The following CCDC117 variants were observed in gnomAD, a reference collection of about 807,000 sequenced individuals.
CCDC117 encodes coiled-coil domain containing 117.
A neutral mutation model predicts 23.5 loss-of-function variants in CCDC117; 1 was observed. That is an observed-to-expected ratio of 0.04 (90% CI 0.02 to 0.20). CCDC117 has a LOEUF of 0.20. Ranked by LOEUF, CCDC117 falls within the 10% of genes least tolerant of loss-of-function variation. The probability of loss-of-function intolerance (pLI) is 1.00; values close to 1 mark genes in which losing one functional copy is unlikely to be tolerated. For synonymous variants in CCDC117, 132 were observed against 124.8 expected (o/e 1.06, Z -0.39); for missense variants, 383 against 348.2 (o/e 1.10, Z -0.80).
At position 28,781,009 on chromosome 22, in the gene CCDC117, A is replaced by G; in HGVS notation, c.301A>G (p.Ile101Val). 1 of 1,614,064 alleles carries G rather than the reference A, an allele frequency of 6.2e-7. No homozygotes were observed. Among genetic ancestry groups the G allele is most frequent in the Non-Finnish European group, 8.5e-7 (1 of 1,180,002 alleles). The part of the protein sequence containing the change: ...AELCAGPNDW[I>V]LCAHQDVEGH... ...GCTCTGTGCTGGTCCTAATGACTGG[A>G]TTCTTTGTGCACATCAGGATGTAGA... The change falls in exon 3 of 5, where the codon ATT (isoleucine) becomes GTT (valine). Residue 101 changes from isoleucine to valine, a missense_variant. Coordinates refer to ENST00000249064, the MANE Select transcript of CCDC117 (RefSeq NM_173510.4).
intron 2 of CCDC117, among the ~76,000 whole-genome samples, chr22:28,774,100 C>T (rs2146243225): frequency 6.7e-6 from 1 of 150,300 alleles, no homozygotes; most frequent in Admixed American, 6.6e-5. Flanking sequence ...CGGAGTCTGC[C>T]TCTGTCGCCC....
chr22:28,774,851 T>C (rs2146244221), intron 2 of CCDC117, among the ~76,000 whole-genome samples: 1 of 152,332 alleles, frequency 6.6e-6, no homozygotes, highest in South Asian at 2.1e-4. Context: ...TGGCTGTGTT[T>C]TTACATTTGT....
intron 3 of CCDC117, among the ~76,000 whole-genome samples, chr22:28,782,831 T>C (rs1298556924): frequency 6.6e-6 from 1 of 151,984 alleles, no homozygotes; most frequent in Non-Finnish European, 1.5e-5. Flanking sequence ...CTCAGCCTCC[T>C]TAAGTACTGG....
Position 28,780,832 on chromosome 22 carries a change from C to T in CCDC117, c.240-116C>T, listed in dbSNP as rs570197937. 1.4e-4 allele frequency: 101 copies of T among 698,688 alleles called. No individual in the cohort carries two copies. In the African/African-American group the frequency reaches 1.7e-3, roughly 12 times the overall value. The allele number at this position is 698,688 out of a possible 1,614,324, so 43.3% of individuals were successfully genotyped here. The stretch of plus-strand genomic sequence containing the variant: ...CGCAGTATTTTCCATCTTGTTACTA[C>T]ACACTTGTCAAAAAAGCTAGTTTTT... On this transcript the variant is annotated intron_variant, in intron 2 of 4. Transcript: ENST00000249064.
intron 2 of CCDC117, 86 bp downstream of exon 2, chr22:28,773,864 A>G (rs1172690362): frequency 1.1e-5 from 11 of 1,032,348 alleles, no homozygotes; most frequent in Non-Finnish European, 1.5e-5. Context: ...TGAAAAGGTG[A>G]AACATTAGAT....
chr22:28,773,796 T>C lies in CCDC117; in HGVS notation c.239+18T>C. ...GATGATGAGTAAGTTTCAGTGGTTG[T>C]TTATTCACTCTGTGGTCACCGTTAG... On this transcript the variant is annotated intron_variant, in intron 2 of 4. Coordinates refer to ENST00000249064, the MANE Select transcript of CCDC117 (RefSeq NM_173510.4). The C allele has an allele frequency of 6.2e-7, 1 of 1,604,906 alleles. No homozygotes were observed. Among genetic ancestry groups the C allele is most frequent in the Non-Finnish European group, 8.5e-7 (1 of 1,171,672 alleles).
rs754232542 is a variant in CCDC117, at chr22:28,781,017, T to G, written c.309T>G (p.Cys103Trp). ...LCAGPNDWIL[C>W]AHQDVEGHGV... is the part of the protein sequence containing the mutation. Reference sequence around the variant, plus strand: ...CTGGTCCTAATGACTGGATTCTTTGTGCACATCAGGATGTAGAGGGGCATG... The same window carrying G: ...CTGGTCCTAATGACTGGATTCTTTGGGCACATCAGGATGTAGAGGGGCATG... Residue 103 changes from cysteine (C) to tryptophan (W), a missense_variant, in exon 3 of 5, where the codon TGT becomes TGG. Coordinates refer to ENST00000249064, the MANE Select transcript of CCDC117 (RefSeq NM_173510.4). 6 of 1,614,110 alleles carry G rather than the reference T, an allele frequency of 3.7e-6. No individual in the cohort carries two copies. The Admixed American group carries it at 1.0e-4, about 27-fold the overall frequency.
intron 4 of CCDC117, among the ~76,000 whole-genome samples, chr22:28,784,013 C>A (rs989786637): frequency 6.6e-6 from 1 of 152,106 alleles, no homozygotes. Context: ...AACAACACTG[C>A]GGCCTAGGAA....
chr22:28,775,577 A>G (rs571009126), intron 2 of CCDC117, among the ~76,000 whole-genome samples: 28 of 152,244 alleles, frequency 1.8e-4, no homozygotes, highest in African/African-American at 5.1e-4. Flanking sequence ...AATAGATGAA[A>G]AATTATATCT....
At position 28,776,845 on chromosome 22, in the gene CCDC117, A is replaced by G. The variant is rs901633918; in HGVS notation, c.239+3067A>G. ...ATGATCCTCTCGCCTTGGCCTCCCA[A>G]AGTGCTGGGATTACAGGCGTGAGCC... On this transcript the variant is annotated intron_variant, in intron 2 of 4. Transcript: ENST00000249064. Among the ~76,000 whole-genome samples the G allele has an allele frequency of 9.9e-5, 15 of 152,254 alleles. No individual in the cohort carries two copies. In the South Asian group the frequency reaches 2.1e-3, roughly 21 times the overall value.
intron 1 of CCDC117, chr22:28,773,522 A>C (rs536545270): frequency 1.0e-5 from 6 of 594,072 alleles, no homozygotes; most frequent in Non-Finnish European, 1.5e-5. Context: ...TGATAAAAGG[A>C]CAAGTTGAGA....
Position 28,772,999 on chromosome 22 carries a change from C to T in CCDC117, c.150C>T (p.Val50=). 1 of 1,193,702 alleles carries T rather than the reference C, an allele frequency of 8.4e-7. No homozygotes were observed. Among genetic ancestry groups the T allele is most frequent in the Non-Finnish European group, 1.0e-6 (1 of 963,286 alleles). 73.9% of individuals were successfully genotyped at this position (1,193,702 alleles called of 1,614,324 possible). The change falls in exon 1 of 5, where the codon GTC becomes GTT. Residue 50 remains valine, a synonymous_variant. Transcript: ENST00000249064. ...ELAPRPGPRA[V]PSSPAGSAAR... ...CCCCGCGGCCGGGACCTCGCGCAGT[C>T]CCTAGCAGTCCCGCTGGGAGTGCGG...
chr22:28,772,800 G>A lies in CCDC117; in HGVS notation c.-50G>A. 2.5e-6 allele frequency: 3 copies of A among 1,215,384 alleles called. No individual in the cohort carries two copies. Among genetic ancestry groups the A allele is most frequent in the Non-Finnish European group, 3.1e-6 (3 of 976,392 alleles). The allele number at this position is 1,215,384 out of a possible 1,614,324, so 75.3% of individuals were successfully genotyped here. On this transcript the variant is annotated 5_prime_UTR_variant, in exon 1 of 5. Coordinates refer to ENST00000249064, the MANE Select transcript of CCDC117 (RefSeq NM_173510.4). Reference sequence around the variant, plus strand: ...GCTGTGGCTGCGGCTGCCGGGCCTGGGGACGCGGGCGGCCGAGGCCGCCGT... The same window carrying A: ...GCTGTGGCTGCGGCTGCCGGGCCTGAGGACGCGGGCGGCCGAGGCCGCCGT...
intron 2 of CCDC117, among the ~76,000 whole-genome samples, chr22:28,776,811 C>T (rs946673872): frequency 7.2e-5 from 11 of 152,114 alleles, no homozygotes; most frequent in Admixed American, 6.6e-4. Flanking sequence ...CTGGAACTTC[C>T]GACTTCGGAT....
rs114517072 is a variant in CCDC117, at chr22:28,787,866, C to G, written c.*1540C>G. On this transcript the variant is annotated 3_prime_UTR_variant, in exon 5 of 5. Coordinates refer to ENST00000249064, the MANE Select transcript of CCDC117 (RefSeq NM_173510.4). The stretch of plus-strand genomic sequence containing the variant: ...CTTCCCCCTTTGTAGGAATCAGATA[C>G]CTTTTGTAGAAAAAAATGGCTTATG... 45 of 152,502 alleles carry G rather than the reference C, an allele frequency of 3.0e-4. No individual in the cohort carries two copies. The highest frequency in any genetic ancestry group is 1.1e-3 in the African/African-American group (44 of 41,528). 9.4% of individuals were successfully genotyped at this position (152,502 alleles called of 1,614,324 possible).
Position 28,780,479 on chromosome 22 carries a change from TTTCATTCA to T in CCDC117, c.240-451_240-444del, listed in dbSNP as rs879529811. 8.5e-5 allele frequency among the ~76,000 whole-genome samples: 13 copies of T among 152,282 alleles called. No individual in the cohort carries two copies. In the East Asian group the frequency reaches 1.5e-3, roughly 18 times the overall value. On this transcript the variant is annotated intron_variant, in intron 2 of 4. Transcript: ENST00000249064. ...GAATTGCTGACTTTTGGTTTCTTTT[TTTCATTCA>T]TTCATTCATTCATTCATGGTTTGAA...
intron 3 of CCDC117, among the ~76,000 whole-genome samples, chr22:28,782,528 T>G (rs1224618190): frequency 6.6e-6 from 1 of 152,124 alleles, no homozygotes; most frequent in African/African-American, 2.4e-5. Context: ...AATCTCCACC[T>G]CCCGGGTTCA....
At chr22:28,778,225 T>A (rs2031225687) in intron 2 of CCDC117, among the ~76,000 whole-genome samples, 1 of 152,238 alleles carries the variant, frequency 6.6e-6, no homozygotes, top group Non-Finnish European at 1.5e-5. Context: ...ACTTTGTGTA[T>A]GATTCTTTTT....
chr22:28,781,335 GTTTTTTTTTTTTTTTTTTT>G lies in CCDC117; in HGVS notation c.464+178_464+196del, dbSNP rs1179781447. On this transcript the variant is annotated intron_variant, in intron 3 of 4. Coordinates refer to ENST00000249064, the MANE Select transcript of CCDC117 (RefSeq NM_173510.4). ...GTATTCGTTTTTGTTTTTTTGTTTT[GTTTTTTTTTTTTTTTTTTT>G]TTTTTTTTTTTTTTGAGACGGAGTC... Among the ~76,000 whole-genome samples the G allele has an allele frequency of 4.7e-4, 7 of 14,824 alleles. 1 individual carries two copies. Among genetic ancestry groups the G allele is most frequent in the Admixed American group, 9.5e-4 (1 of 1,054 alleles). The allele number at this position is 14,824 out of a possible 152,430, so 9.7% of individuals were successfully genotyped here.
Sources: allele counts gnomAD v4.1 joint callset (sites outside exome capture counted in the v4.1 genomes callset), GRCh38; gene constraint gnomAD v4.1.1; transcripts MANE v1.5; gene names NCBI Gene and HGNC (gene_info 2026-07-23, HGNC 2026-07-21).